The following TMC1 variants were observed in gnomAD, a reference collection of about 807,000 sequenced individuals.
TMC1 encodes the protein transmembrane channel like 1, also known as transmembrane channel-like protein 1.
A neutral mutation model predicts 105.8 loss-of-function variants in TMC1; 84 were observed. The observed-to-expected ratio is 0.79, with a 90% CI of 0.67 to 0.95. The LOEUF is 0.95. TMC1 is among the 40% of genes least tolerant of loss of function. The pLI is 0.00. For synonymous variants in TMC1, 315 were observed against 311.5 expected (o/e 1.01, Z -0.12); for missense variants, 817 against 914.1 (o/e 0.89, Z 1.37).
At chr9:72,716,827 C>T (rs541627432) in intron 8 of TMC1, among the ~76,000 whole-genome samples, 23 of 152,276 alleles carry the variant, frequency 1.5e-4, no homozygotes, top group African/African-American at 3.6e-4. Context: ...ACAACTCCTG[C>T]GGCTAGCTCT....
At chr9:72,745,626 A>G (rs1285467005) in intron 10 of TMC1, among the ~76,000 whole-genome samples, 3 of 152,302 alleles carry the variant, frequency 2.0e-5, no homozygotes, top group African/African-American at 4.8e-5. Context: ...TTGAAAAAAT[A>G]TGAAACCTAT....
chr9:72,655,826 G>A (rs1252481281), intron 5 of TMC1: 4 of 680,204 alleles, frequency 5.9e-6, no homozygotes, highest in African/African-American at 5.4e-5. Context: ...TATTAAAATA[G>A]TTGACTTATA....
rs1408778005 is a variant in TMC1 at position 72,581,058 on chromosome 9, T to G, written c.-306+3035T>G. ...TCGATAACTCTGTAAAACAGTTTGA[T>G]CCTAACTTCAAAAGAATTTTTATGC... On this transcript the variant is annotated intron_variant, in intron 2 of 23. Transcript: ENST00000297784. 3.3e-5 allele frequency among the ~76,000 whole-genome samples: 5 copies of G among 152,218 alleles called. No individual in the cohort carries two copies. In the East Asian group the frequency reaches 9.6e-4, roughly 29 times the overall value.
intron 18 of TMC1, among the ~76,000 whole-genome samples, chr9:72,807,481 G>A (rs1206173433): frequency 6.6e-6 from 1 of 152,174 alleles, no homozygotes; most frequent in Admixed American, 6.5e-5. Flanking sequence ...ATTAGCACAA[G>A]ATAGCAAAAG....
chr9:72,712,576 T>C (rs1437129875), intron 8 of TMC1, among the ~76,000 whole-genome samples: 1 of 151,956 alleles, frequency 6.6e-6, no homozygotes, highest in Non-Finnish European at 1.5e-5. Flanking sequence ...TTTATCTGTT[T>C]TTGATGTATA....
chr9:72,830,833 G>T, intron 23 of TMC1, 151 bp downstream of exon 23: 2 of 705,124 alleles, frequency 2.8e-6, no homozygotes. Flanking sequence ...CACCTTTTTA[G>T]CCCTTCTCAG....
At chr9:72,708,991 T>C (rs1322857900) in intron 8 of TMC1, among the ~76,000 whole-genome samples, 1 of 145,658 alleles carries the variant, frequency 6.9e-6, no homozygotes, top group East Asian at 2.1e-4. Flanking sequence ...AAATGCTTTT[T>C]CTGTGTCTAT....
intron 23 of TMC1, among the ~76,000 whole-genome samples, chr9:72,831,763 G>C: frequency 6.6e-6 from 1 of 152,124 alleles, no homozygotes; most frequent in Non-Finnish European, 1.5e-5. Context: ...CAAAGGACAT[G>C]AACTCATCAT....
At chr9:72,809,334 A>G (rs551082035) in intron 18 of TMC1, among the ~76,000 whole-genome samples, 1 of 152,328 alleles carries the variant, frequency 6.6e-6, no homozygotes, top group East Asian at 1.9e-4. Flanking sequence ...GTACAGGAAA[A>G]AAGACAAGTT....
At chr9:72,727,305 C>A (rs919845454) in intron 8 of TMC1, among the ~76,000 whole-genome samples, 3 of 152,080 alleles carry the variant, frequency 2.0e-5, no homozygotes, top group Admixed American at 6.6e-5. Flanking sequence ...GGGCCTAGAT[C>A]TCATTTTTCT....
At chr9:72,530,907 G>A (rs7038672) in intron 1 of TMC1, among the ~76,000 whole-genome samples, 1,798 of 149,372 alleles carry the variant, frequency 0.012, 25 homozygotes, top group African/African-American at 0.033. Flanking sequence ...TGCAAGATCT[G>A]CATCCCGAGT....
intron 12 of TMC1, among the ~76,000 whole-genome samples, chr9:72,760,698 A>C (rs1827742651): frequency 6.6e-6 from 1 of 152,194 alleles, no homozygotes; most frequent in Non-Finnish European, 1.5e-5. Context: ...GGTGAACAGA[A>C]GCAGAATAGA....
chr9:72,690,094 T>G (rs1826440030), intron 6 of TMC1, among the ~76,000 whole-genome samples: 1 of 152,126 alleles, frequency 6.6e-6, no homozygotes, highest in East Asian at 1.9e-4. Context: ...CTTTGATTCC[T>G]TTCTCTTTTC....
intron 1 of TMC1, among the ~76,000 whole-genome samples, chr9:72,526,136 TAGA>T (rs1823405096): frequency 6.6e-6 from 1 of 152,212 alleles, no homozygotes. Context: ...GTGTGTCCTC[TAGA>T]AGAAGACAAC....
At chr9:72,679,405 A>G (rs997127069) in intron 5 of TMC1, among the ~76,000 whole-genome samples, 2 of 151,722 alleles carry the variant, frequency 1.3e-5, no homozygotes, top group East Asian at 1.9e-4. Flanking sequence ...TCTGTTTCCT[A>G]TTGCCCAACT....
intron 12 of TMC1, among the ~76,000 whole-genome samples, chr9:72,765,616 AG>A (rs1297555497): frequency 6.6e-6 from 1 of 151,132 alleles, no homozygotes; most frequent in East Asian, 2.0e-4. Flanking sequence ...AAAGGAGGGC[AG>A]CAAGAGGTGA....
intron 1 of TMC1, among the ~76,000 whole-genome samples, chr9:72,542,663 G>C (rs1482197620): frequency 6.6e-6 from 1 of 151,824 alleles, no homozygotes; most frequent in Non-Finnish European, 1.5e-5. Flanking sequence ...CATCTTTACT[G>C]TTCAGGCCTC....
At chr9:72,646,646 T>TTTA in intron 4 of TMC1, among the ~76,000 whole-genome samples, 1 of 151,868 alleles carries the variant, frequency 6.6e-6, no homozygotes, top group Non-Finnish European at 1.5e-5. Context: ...TTATTTATTT[T>TTTA]TTTTTGAGAT....
intron 1 of TMC1, among the ~76,000 whole-genome samples, chr9:72,545,994 T>C (rs1823760246): frequency 6.6e-6 from 1 of 151,468 alleles, no homozygotes; most frequent in Non-Finnish European, 1.5e-5. Flanking sequence ...CATAAATTGA[T>C]GGTACAGACT....
Sources: gnomAD v4.1 joint callset for allele counts (sites outside exome capture counted in the v4.1 genomes callset) on GRCh38, gnomAD v4.1.1 for gene constraint, MANE v1.5 for transcripts, NCBI Gene and HGNC (gene_info 2026-07-23, HGNC 2026-07-21) for gene names.